DAG1: variants seen among roughly 807,000 people sequenced by gnomAD.
The protein encoded by DAG1 is dystroglycan 1.
A neutral mutation model predicts 46.1 loss-of-function variants in DAG1; 8 were observed. That is an observed-to-expected ratio of 0.17 (90% CI 0.10 to 0.31). The LOEUF is 0.31. Ranked by LOEUF, DAG1 falls within the 10% of genes least tolerant of loss-of-function variation. The probability of loss-of-function intolerance (pLI) is 1.00; values close to 1 mark genes in which losing one functional copy is unlikely to be tolerated. For synonymous variants in DAG1, 495 were observed against 481.8 expected, an observed-to-expected ratio of 1.03 and a Z score of -0.36; for missense variants, 1,003 against 1,189.9, an observed-to-expected ratio of 0.84 and a Z score of 2.31.
chr3:49,531,145 C>A lies in DAG1; in HGVS notation c.634C>A (p.His212Asn), dbSNP rs146574353. 1.6e-4 allele frequency: 251 copies of A among 1,614,066 alleles called. 2 individuals are homozygous for A. Among genetic ancestry groups the A allele is most frequent in the Non-Finnish European group, 2.0e-4 (240 of 1,180,044 alleles). ...MTPKQRIDLL[H>N]RMRSFSEVEL... ...CCCAAAGCAAAGGATTGACCTCCTGCACAGGATGCGGAGCTTCTCAGAAGT... is the reference window on the plus strand; with the variant it reads ...CCCAAAGCAAAGGATTGACCTCCTGAACAGGATGCGGAGCTTCTCAGAAGT... The change falls in exon 3 of 3, where the codon CAC (histidine) becomes AAC (asparagine). Residue 212 changes from histidine (H) to asparagine (N), a missense_variant. His to Asn is a moderately conservative substitution (Grantham distance 68, BLOSUM62 1). Around this residue, in one of 3 missense-constraint regions of DAG1, gnomAD observed 52 missense variants for 96.7 expected, o/e 0.54. Coordinates refer to ENST00000308775, the MANE Select transcript of DAG1 (RefSeq NM_004393.6). The surrounding 1 kb of genome is among the most constrained non-coding windows in gnomAD (Gnocchi z 7.0).
At chr3:49,471,418 T>TAA (rs1419185727) in intron 1 of DAG1, among the ~76,000 whole-genome samples, 1 of 152,240 alleles carries the variant, frequency 6.6e-6, no homozygotes, top group African/African-American at 2.4e-5. Flanking sequence ...TATGCTTAGT[T>TAA]AAGTTCAGAG....
chr3:49,477,778 A>G (rs2106902197), intron 1 of DAG1, among the ~76,000 whole-genome samples: 1 of 152,092 alleles, frequency 6.6e-6, no homozygotes, highest in Non-Finnish European at 1.5e-5. Context: ...CCTGGCCAAC[A>G]TGGCGAAACC....
chr3:49,525,107 C>CT (rs1011933890), intron 2 of DAG1, among the ~76,000 whole-genome samples: 34 of 152,050 alleles, frequency 2.2e-4, no homozygotes, highest in Admixed American at 2.1e-3. Context: ...CTGCTTGGGC[C>CT]TGATGTCACC....
chr3:49,502,270 AG>A (rs1234628007), intron 1 of DAG1, among the ~76,000 whole-genome samples: 15 of 152,248 alleles, frequency 9.9e-5, no homozygotes, highest in African/African-American at 3.1e-4. Context: ...GTTGTTGAGA[AG>A]GAGTTCCTGG....
chr3:49,498,148 C>T (rs186785879), intron 1 of DAG1, among the ~76,000 whole-genome samples: 1 of 152,266 alleles, frequency 6.6e-6, no homozygotes, highest in East Asian at 1.9e-4. Context: ...CCCTGGCTCC[C>T]TTTGGTTGGT....
intron 1 of DAG1, among the ~76,000 whole-genome samples, chr3:49,501,499 T>C (rs6766131): frequency 0.3 from 45,108 of 152,054 alleles, 7,179 homozygotes; most frequent in Middle Eastern, 0.31. Context: ...TTGGTTGAGC[T>C]GAGCCATTTA....
chr3:49,491,950 G>A (rs1021452694), intron 1 of DAG1, among the ~76,000 whole-genome samples: 32 of 146,792 alleles, frequency 2.2e-4, no homozygotes, highest in African/African-American at 6.9e-4. Flanking sequence ...TTTTTGAGAC[G>A]GAGTCTCACT....
At position 49,496,749 on chromosome 3, in the gene DAG1, C is replaced by T. The variant is rs1047998549; in HGVS notation, c.-116-13670C>T. Among the ~76,000 whole-genome samples, 3 of 151,714 alleles carry T rather than the reference C, an allele frequency of 2.0e-5. No homozygotes were observed. The South Asian group carries it at 6.3e-4, about 32-fold the overall frequency. On this transcript the variant is annotated intron_variant, in intron 1 of 2. Transcript: ENST00000308775. ...TCAAGCAGTTCTCCTGTGTCAGCCTCCTGAGTAGCTGGGACTACAGGCATG... is the reference window on the plus strand; with the variant it reads ...TCAAGCAGTTCTCCTGTGTCAGCCTTCTGAGTAGCTGGGACTACAGGCATG...
At chr3:49,530,661 G>T in intron 2 of DAG1, 136 bp from the exon 3 acceptor site, 1 of 1,247,368 alleles carries the variant, frequency 8.0e-7, no homozygotes, top group Non-Finnish European at 1.1e-6. Flanking sequence ...CTCTCTAGGG[G>T]GGAGGAATCA....
In DAG1 at chr3:49,533,321, CACTG is replaced by C. The variant is rs2051423276; in HGVS notation, c.*125_*128del. Reference sequence around the variant, plus strand: ...GGGAGCCGACACCTGACCTAGCACACACTGACACAGGGGCCTGGACAAGCCCGCC... The same window carrying C: ...GGGAGCCGACACCTGACCTAGCACACACACAGGGGCCTGGACAAGCCCGCC... On this transcript the variant is annotated 3_prime_UTR_variant, in exon 3 of 3. Transcript: ENST00000308775. 1.4e-6 allele frequency: 2 copies of C among 1,437,446 alleles called. No individual in the cohort carries two copies. Among genetic ancestry groups the C allele is most frequent in the Admixed American group, 1.9e-5 (1 of 51,558 alleles). 89.0% of individuals were successfully genotyped at this position (1,437,446 alleles called of 1,614,324 possible).
At chr3:49,493,287 A>G (rs1363338570) in intron 1 of DAG1, among the ~76,000 whole-genome samples, 1 of 152,054 alleles carries the variant, frequency 6.6e-6, no homozygotes, top group Non-Finnish European at 1.5e-5. Flanking sequence ...CAAGCAATCC[A>G]TCAACCTTAG....
intron 1 of DAG1, among the ~76,000 whole-genome samples, chr3:49,483,883 C>T (rs544644543): frequency 6.6e-6 from 1 of 151,764 alleles, no homozygotes; most frequent in African/African-American, 2.4e-5. Context: ...GGCTATGTTG[C>T]CCAGGCTGGA....
chr3:49,474,874 T>C (rs1433216613), intron 1 of DAG1, among the ~76,000 whole-genome samples: 2 of 150,814 alleles, frequency 1.3e-5, no homozygotes, highest in Non-Finnish European at 2.9e-5. Flanking sequence ...TGCAGTGGCA[T>C]GATCTCGCCT....
chr3:49,528,279 T>C (rs2051242192), intron 2 of DAG1, among the ~76,000 whole-genome samples: 1 of 34,932 alleles, frequency 2.9e-5, no homozygotes, highest in South Asian at 3.6e-3. Context: ...AGTGTGATTT[T>C]TTTTTTTTTT....
intron 1 of DAG1, among the ~76,000 whole-genome samples, chr3:49,473,499 C>T (rs1458433842): frequency 6.6e-6 from 1 of 152,008 alleles, no homozygotes; most frequent in Non-Finnish European, 1.5e-5. Flanking sequence ...TCCTCTTGCG[C>T]ACAGCAGGCA....
intron 1 of DAG1, among the ~76,000 whole-genome samples, chr3:49,491,767 C>A (rs894667813): frequency 6.6e-6 from 1 of 151,502 alleles, no homozygotes; most frequent in African/African-American, 2.4e-5. Context: ...TGAGCCACCG[C>A]GCCCGGCCTG....
chr3:49,491,859 T>G (rs1269485311), intron 1 of DAG1, among the ~76,000 whole-genome samples: 2 of 152,048 alleles, frequency 1.3e-5, no homozygotes, highest in African/African-American at 4.8e-5. Flanking sequence ...CCTCAAGTGA[T>G]CCTCCCGCCT....
intron 1 of DAG1, among the ~76,000 whole-genome samples, chr3:49,478,295 A>G (rs893133048): frequency 1.3e-5 from 2 of 150,416 alleles, no homozygotes; most frequent in African/African-American, 4.9e-5. Flanking sequence ...AAAAAGAAAA[A>G]AAAGTGGAAA....
At chr3:49,530,495 G>A (rs1035984943) in intron 2 of DAG1, among the ~76,000 whole-genome samples, 4 of 152,170 alleles carry the variant, frequency 2.6e-5, no homozygotes, top group South Asian at 2.1e-4. Flanking sequence ...CACAACAGTC[G>A]TGAGCTCCAT....
Sources: allele counts gnomAD v4.1 joint callset (sites outside exome capture counted in the v4.1 genomes callset), GRCh38; gene constraint gnomAD v4.1.1; regional missense constraint gnomAD v4.1.1; non-coding constraint Gnocchi (gnomAD v3.1); transcripts MANE v1.5; gene names NCBI Gene and HGNC (gene_info 2026-07-23, HGNC 2026-07-21).